NRXN3: variants seen among roughly 807,000 people sequenced by gnomAD.
NRXN3 encodes the protein neurexin 3.
NRXN3 carries 32 observed loss-of-function variants against 137.6 expected under a neutral mutation model. The observed-to-expected ratio is 0.23, with a 90% CI of 0.18 to 0.31. The LOEUF (loss-of-function observed/expected upper bound fraction) is 0.31, where lower values mean the gene tolerates loss of function less well. Ranked by LOEUF, NRXN3 falls within the 10% of genes least tolerant of loss-of-function variation. NRXN3 has a pLI of 1.00. For missense variants in NRXN3, 1,574 were observed against 2,062.5 expected (o/e 0.76, Z 4.59); for synonymous variants, 798 against 784.5 (o/e 1.02, Z -0.29).
intron 10 of NRXN3, among the ~76,000 whole-genome samples, chr14:78,822,710 CA>C (rs57192355): frequency 0.19 from 23,754 of 122,328 alleles, 4,484 homozygotes; most frequent in African/African-American, 0.49. Flanking sequence ...CAAAAACAAA[CA>C]AAAAAAAAAA....
At chr14:79,293,038 C>T (rs1032576355) in intron 15 of NRXN3, among the ~76,000 whole-genome samples, 4 of 152,126 alleles carry the variant, frequency 2.6e-5, no homozygotes, top group African/African-American at 9.7e-5. Flanking sequence ...ATACAGACAA[C>T]CCCCTTCTTT....
intron 16 of NRXN3, among the ~76,000 whole-genome samples, chr14:79,549,541 C>A (rs909003563): frequency 1.3e-5 from 2 of 152,082 alleles, no homozygotes; most frequent in Admixed American, 1.3e-4. Flanking sequence ...CTGCTCTACA[C>A]GTGTATGCTT....
intron 6 of NRXN3, among the ~76,000 whole-genome samples, chr14:78,701,765 G>A (rs948919199): frequency 4.6e-5 from 7 of 152,128 alleles, no homozygotes; most frequent in Non-Finnish European, 8.8e-5. Flanking sequence ...TTTATCTGGA[G>A]TCTTTTTAAC....
At chr14:79,478,350 T>C (rs1476182019) in intron 16 of NRXN3, among the ~76,000 whole-genome samples, 1 of 151,972 alleles carries the variant, frequency 6.6e-6, no homozygotes, top group Non-Finnish European at 1.5e-5. Context: ...CAAACACAAG[T>C]TGTTCCAGAG....
chr14:79,413,812 G>C (rs2095455104), intron 15 of NRXN3, among the ~76,000 whole-genome samples: 1 of 132,218 alleles, frequency 7.6e-6, no homozygotes. Context: ...TTCTAATCTT[G>C]AATTCAAATC....
At chr14:79,185,656 AG>A (rs2063452720) in intron 15 of NRXN3, among the ~76,000 whole-genome samples, 1 of 150,916 alleles carries the variant, frequency 6.6e-6, no homozygotes, top group African/African-American at 2.4e-5. Context: ...TAGTAGAGAC[AG>A]GGTTTCACCA....
At chr14:78,218,217 C>T (rs913171332) in intron 1 of NRXN3, among the ~76,000 whole-genome samples, 10 of 152,072 alleles carry the variant, frequency 6.6e-5, no homozygotes, top group Non-Finnish European at 1.3e-4. Flanking sequence ...GTTACCTAGG[C>T]GTGGTGGCGC....
chr14:78,907,335 A>G (rs2099221033), intron 10 of NRXN3, among the ~76,000 whole-genome samples: 3 of 152,038 alleles, frequency 2.0e-5, no homozygotes, highest in Admixed American at 1.3e-4. Flanking sequence ...ACTTTAGGTC[A>G]CATGGCCACT....
chr14:78,474,759 T>G (rs1232127917), intron 4 of NRXN3, among the ~76,000 whole-genome samples: 1 of 152,232 alleles, frequency 6.6e-6, no homozygotes, highest in African/African-American at 2.4e-5. Context: ...ATAGGGTTGC[T>G]GACCAATAGC....
At chr14:78,301,410 A>G (rs1458207791) in intron 4 of NRXN3, among the ~76,000 whole-genome samples, 2 of 152,206 alleles carry the variant, frequency 1.3e-5, no homozygotes, top group Admixed American at 6.5e-5. Context: ...ACTTGCGCCA[A>G]CACTCTGACA....
At chr14:78,950,556 A>G (rs31434) in intron 10 of NRXN3, among the ~76,000 whole-genome samples, 73,103 of 151,558 alleles carry the variant, frequency 0.48, 22,264 homozygotes, top group African/African-American at 0.86. Context: ...CTTAAGGCAT[A>G]GGTTACAGCA....
intron 4 of NRXN3, among the ~76,000 whole-genome samples, chr14:78,404,507 T>C (rs1202526131): frequency 6.6e-6 from 1 of 152,090 alleles, no homozygotes; most frequent in African/African-American, 2.4e-5. Flanking sequence ...GGCAAGGGAA[T>C]GTCCAAGGAA....
At chr14:78,644,047 A>G (rs961107138) in intron 4 of NRXN3, among the ~76,000 whole-genome samples, 2 of 149,800 alleles carry the variant, frequency 1.3e-5, no homozygotes, top group African/African-American at 4.9e-5. Flanking sequence ...AGGCTGAGGC[A>G]GGAGAATCGC....
intron 15 of NRXN3, among the ~76,000 whole-genome samples, chr14:79,028,019 A>G (rs762127100): frequency 6.6e-6 from 1 of 152,162 alleles, no homozygotes; most frequent in Non-Finnish European, 1.5e-5. Flanking sequence ...GGATGATAAT[A>G]TTGTTTATCC....
intron 15 of NRXN3, among the ~76,000 whole-genome samples, chr14:79,288,983 G>A (rs2082723510): frequency 6.6e-6 from 1 of 152,148 alleles, no homozygotes; most frequent in African/African-American, 2.4e-5. Context: ...AAGGAGGGAT[G>A]CTAGTTTATA....
At chr14:79,376,196 G>A (rs1386654298) in intron 15 of NRXN3, among the ~76,000 whole-genome samples, 1 of 43,272 alleles carries the variant, frequency 2.3e-5, no homozygotes, top group African/African-American at 9.9e-5. Flanking sequence ...ATACATGTGG[G>A]TGTGTGTGTG....
chr14:78,254,393 C>T (rs1170605228), intron 2 of NRXN3, among the ~76,000 whole-genome samples: 2 of 152,122 alleles, frequency 1.3e-5, no homozygotes, highest in Non-Finnish European at 2.9e-5. Flanking sequence ...GCGACAAAAA[C>T]ATGGGGGCTG....
intron 16 of NRXN3, among the ~76,000 whole-genome samples, chr14:79,516,873 A>G (rs1168907233): frequency 6.6e-6 from 1 of 152,196 alleles, no homozygotes; most frequent in African/African-American, 2.4e-5. Flanking sequence ...ATTTCATTGA[A>G]TGAACATGCC....
intron 17 of NRXN3, among the ~76,000 whole-genome samples, chr14:79,688,061 G>C (rs1017726861): frequency 6.6e-6 from 1 of 152,036 alleles, no homozygotes; most frequent in Non-Finnish European, 1.5e-5. Flanking sequence ...ATGAAGGACT[G>C]GTAAGTGGGA....
Sources: allele counts gnomAD v4.1 joint callset (sites outside exome capture counted in the v4.1 genomes callset), GRCh38; gene constraint gnomAD v4.1.1; transcripts MANE v1.5; gene names NCBI Gene and HGNC (gene_info 2026-07-23, HGNC 2026-07-21).